The following KCNIP1 variants were observed in gnomAD, a reference collection of about 807,000 sequenced individuals.
KCNIP1 encodes A-type potassium channel modulatory protein KCNIP1.
Under a neutral mutation model 33.0 loss-of-function variants are expected in KCNIP1, and 18 were observed. That is an observed-to-expected ratio of 0.55 (90% CI 0.38 to 0.81). The LOEUF (loss-of-function observed/expected upper bound fraction) is 0.81, where lower values mean the gene tolerates loss of function less well. Ranked by LOEUF, KCNIP1 falls within the 30% of genes least tolerant of loss-of-function variation. The probability of loss-of-function intolerance (pLI) is 0.00; values close to 1 mark genes in which losing one functional copy is unlikely to be tolerated. For synonymous variants in KCNIP1, 93 were observed against 98.3 expected (o/e 0.95, Z 0.32); for missense variants, 238 against 271.6 (o/e 0.88, Z 0.87).
intron 1 of KCNIP1, among the ~76,000 whole-genome samples, chr5:170,404,382 A>G (rs1246873525): frequency 6.6e-6 from 1 of 151,868 alleles, no homozygotes; most frequent in Non-Finnish European, 1.5e-5. Flanking sequence ...TTGGTTATCC[A>G]TTGCTGTGTA....
intron 1 of KCNIP1, among the ~76,000 whole-genome samples, chr5:170,423,057 GC>G (rs1401696652): frequency 6.6e-6 from 1 of 152,188 alleles, no homozygotes; most frequent in Non-Finnish European, 1.5e-5. Context: ...CTCCACTCCA[GC>G]CTGGACGACA....
At position 170,617,934 on chromosome 5, in the gene KCNIP1, A is replaced by C. The variant is rs11958675; in HGVS notation, c.62-100824A>C. Reference sequence around the variant, plus strand: ...TAAATAAGATGCAGGAGAGAATTACAACCGGAGATATAAAACAGTTGTCTT... The same window carrying C: ...TAAATAAGATGCAGGAGAGAATTACCACCGGAGATATAAAACAGTTGTCTT... On this transcript the variant is annotated intron_variant, in intron 1 of 7. Coordinates refer to ENST00000328939, the MANE Select transcript of KCNIP1 (RefSeq NM_014592.4). 3.8e-4 allele frequency among the ~76,000 whole-genome samples: 58 copies of C among 152,036 alleles called. 2 individuals carry two copies. Among genetic ancestry groups the C allele is most frequent in the South Asian group, 8.3e-4 (4 of 4,812 alleles).
At chr5:170,470,408 C>G (rs1412209027) in intron 1 of KCNIP1, among the ~76,000 whole-genome samples, 1 of 152,076 alleles carries the variant, frequency 6.6e-6, no homozygotes, top group Non-Finnish European at 1.5e-5. Flanking sequence ...AAGGGCAGGA[C>G]CTGTCTCTCA....
intron 1 of KCNIP1, among the ~76,000 whole-genome samples, chr5:170,623,361 G>A (rs1227470419): frequency 1.6e-4 from 25 of 151,980 alleles, no homozygotes; most frequent in Admixed American, 1.4e-3. Context: ...ACAGGCACCC[G>A]CCACCATACC....
intron 1 of KCNIP1, among the ~76,000 whole-genome samples, chr5:170,567,533 G>T (rs1421959281): frequency 1.3e-5 from 2 of 152,182 alleles, no homozygotes; most frequent in African/African-American, 2.4e-5. Context: ...GTGGAAAAAA[G>T]CTTCAGAGCT....
chr5:170,626,191 A>G lies in KCNIP1; in HGVS notation c.62-92567A>G, dbSNP rs151269028. On this transcript the variant is annotated intron_variant, in intron 1 of 7. Coordinates refer to ENST00000328939, the MANE Select transcript of KCNIP1 (RefSeq NM_014592.4). ...TATGCATGCCAGGCCTGTGCCACGC[A>G]TGCTCTAATCATTACTGGCTTTAAC... Among the ~76,000 whole-genome samples, 12 of 152,354 alleles carry G rather than the reference A, an allele frequency of 7.9e-5. No individual in the cohort carries two copies. In the East Asian group the frequency reaches 1.7e-3, roughly 22 times the overall value.
chr5:170,388,730 T>C (rs554001498), intron 1 of KCNIP1, among the ~76,000 whole-genome samples: 2 of 152,290 alleles, frequency 1.3e-5, no homozygotes, highest in East Asian at 3.9e-4. Flanking sequence ...AAATCCTGGC[T>C]CTGCCACTTA....
intron 1 of KCNIP1, among the ~76,000 whole-genome samples, chr5:170,682,986 C>T: frequency 6.6e-6 from 1 of 151,958 alleles, no homozygotes; most frequent in East Asian, 1.9e-4. Context: ...CCTGCTCTTC[C>T]TTTCCATATC....
intron 1 of KCNIP1, among the ~76,000 whole-genome samples, chr5:170,556,559 G>A (rs1218638359): frequency 6.6e-6 from 1 of 152,188 alleles, no homozygotes; most frequent in Non-Finnish European, 1.5e-5. Flanking sequence ...ATGTCAACAG[G>A]GAAGAGGGGC....
intron 1 of KCNIP1, among the ~76,000 whole-genome samples, chr5:170,364,221 G>A (rs1274154244): frequency 6.6e-6 from 1 of 151,996 alleles, no homozygotes; most frequent in African/African-American, 2.4e-5. Context: ...GCCCAACCTG[G>A]TCTCAAACTC....
chr5:170,593,620 G>A (rs1321331818), intron 1 of KCNIP1, among the ~76,000 whole-genome samples: 2 of 152,164 alleles, frequency 1.3e-5, no homozygotes, highest in Non-Finnish European at 2.9e-5. Context: ...AGTATTCAAG[G>A]GAGAATTTAA....
chr5:170,429,456 T>C (rs989673022), intron 1 of KCNIP1, among the ~76,000 whole-genome samples: 2 of 152,184 alleles, frequency 1.3e-5, no homozygotes, highest in Admixed American at 6.5e-5. Flanking sequence ...CCTGACACTT[T>C]TTGTTTTTCA....
intron 1 of KCNIP1, chr5:170,375,793 T>C (rs797011598): frequency 3.9e-5 from 6 of 152,374 alleles, no homozygotes; most frequent in African/African-American, 1.2e-4. Context: ...GTCACTATCC[T>C]AGGAAATTTA....
upstream of KCNIP1, among the ~76,000 whole-genome samples, chr5:170,503,276 C>T (rs1757453323): frequency 6.6e-6 from 1 of 151,758 alleles, no homozygotes. Context: ...CGCCTGTAAT[C>T]CCAGCTACTC....
At chr5:170,570,219 A>G (rs1177496922) in intron 1 of KCNIP1, among the ~76,000 whole-genome samples, 1 of 152,210 alleles carries the variant, frequency 6.6e-6, no homozygotes, top group Non-Finnish European at 1.5e-5. Flanking sequence ...GAAATTAAAG[A>G]TCCTTGGGAA....
chr5:170,595,092 A>C (rs923459373), intron 1 of KCNIP1, among the ~76,000 whole-genome samples: 5 of 152,126 alleles, frequency 3.3e-5, no homozygotes, highest in Non-Finnish European at 5.9e-5. Flanking sequence ...AAGGCCACCA[A>C]AGTCCAAGCA....
intron 1 of KCNIP1, among the ~76,000 whole-genome samples, chr5:170,555,188 T>C (rs940842546): frequency 6.6e-6 from 1 of 152,118 alleles, no homozygotes; most frequent in East Asian, 1.9e-4. Flanking sequence ...GCTCAGCCAT[T>C]ACTCAGGAGA....
chr5:170,621,756 G>A lies in KCNIP1; in HGVS notation c.62-97002G>A, dbSNP rs145731064. ...ATTCCTAGGCTTGAGTGATCCTCCC[G>A]CCTTGGACTCCCAAAGTGCTGGGAT... On this transcript the variant is annotated intron_variant, in intron 1 of 7. Coordinates refer to ENST00000328939, the MANE Select transcript of KCNIP1 (RefSeq NM_014592.4). Among the ~76,000 whole-genome samples, 654 of 152,210 alleles carry A rather than the reference G, an allele frequency of 4.3e-3. 2 individuals are homozygous for A. Among genetic ancestry groups the A allele is most frequent in the Non-Finnish European group, 7.1e-3 (480 of 68,004 alleles).
At chr5:170,685,551 C>T (rs749941364) in intron 1 of KCNIP1, among the ~76,000 whole-genome samples, 51 of 151,878 alleles carry the variant, frequency 3.4e-4, no homozygotes, top group East Asian at 7.7e-4. Flanking sequence ...TACAGTGGCA[C>T]GATCTCAGCT....
Sources: allele counts gnomAD v4.1 joint callset (sites outside exome capture counted in the v4.1 genomes callset), GRCh38; gene constraint gnomAD v4.1.1; transcripts MANE v1.5; gene names NCBI Gene and HGNC (gene_info 2026-07-23, HGNC 2026-07-21).